The following TRPM3 variants were observed in gnomAD, a reference collection of about 807,000 sequenced individuals.
The protein encoded by TRPM3 is transient receptor potential cation channel subfamily M member 3, also known as long transient receptor potential channel 3.
In TRPM3, 77 loss-of-function variants were observed where a neutral mutation model predicts 181.2. That is an observed-to-expected ratio of 0.42 (90% CI 0.35 to 0.51). The LOEUF (loss-of-function observed/expected upper bound fraction) is 0.51, where lower values mean the gene tolerates loss of function less well. TRPM3 is among the 20% of genes least tolerant of loss of function. The pLI is 0.01. For missense variants in TRPM3, 1,759 were observed against 2,196.7 expected, an observed-to-expected ratio of 0.80 and a Z score of 3.98; for synonymous variants, 745 against 796.4, an observed-to-expected ratio of 0.94 and a Z score of 1.09.
At chr9:70,798,027 C>T (rs961937315) in intron 6 of TRPM3, among the ~76,000 whole-genome samples, 21 of 152,162 alleles carry the variant, frequency 1.4e-4, no homozygotes, top group Non-Finnish European at 2.9e-5. Flanking sequence ...TTGGTCAGAA[C>T]TTGGATGCAG....
intron 1 of TRPM3, among the ~76,000 whole-genome samples, chr9:71,134,076 A>G (rs1256081096): frequency 6.6e-6 from 1 of 152,118 alleles, no homozygotes; most frequent in East Asian, 1.9e-4. Context: ...TACATTTTAA[A>G]GACTGAATAA....
At chr9:71,433,939 T>C (rs972232798) in intron 1 of TRPM3, among the ~76,000 whole-genome samples, 1 of 152,102 alleles carries the variant, frequency 6.6e-6, no homozygotes, top group African/African-American at 2.4e-5. Context: ...GCAGATCACA[T>C]GAGGTCAGGA....
chr9:70,588,698 C>T (rs1025763542), intron 22 of TRPM3, among the ~76,000 whole-genome samples: 1 of 152,142 alleles, frequency 6.6e-6, no homozygotes, highest in Non-Finnish European at 1.5e-5. Flanking sequence ...GGCAAGACGT[C>T]GTAGGGCAGC....
intron 1 of TRPM3, among the ~76,000 whole-genome samples, chr9:71,291,796 C>A (rs11142784): frequency 0.096 from 14,620 of 151,830 alleles, 1,070 homozygotes; most frequent in African/African-American, 0.21. Context: ...AAATTAGAAA[C>A]GACTTGAGTA....
At chr9:70,820,803 A>G (rs536662238) in intron 6 of TRPM3, among the ~76,000 whole-genome samples, 2 of 152,202 alleles carry the variant, frequency 1.3e-5, no homozygotes, top group East Asian at 3.9e-4. Context: ...ATAAAGTCAA[A>G]TACGGTAACT....
chr9:70,693,977 T>G (rs1257534687), intron 8 of TRPM3, among the ~76,000 whole-genome samples: 1 of 152,212 alleles, frequency 6.6e-6, no homozygotes, highest in Non-Finnish European at 1.5e-5. Flanking sequence ...AATGGCAGGG[T>G]GTATAAGCTC....
intron 1 of TRPM3, among the ~76,000 whole-genome samples, chr9:70,934,764 T>A (rs1415865676): frequency 1.3e-5 from 2 of 152,186 alleles, no homozygotes; most frequent in African/African-American, 4.8e-5. Context: ...GTCCATGTGT[T>A]TTCACTGAGA....
chr9:70,610,724 T>A lies in TRPM3; in HGVS notation c.2552A>T (p.Glu851Val). ...LTAMLGRNNGESSRKKDEEEV... is the reference protein window; with the variant it reads ...LTAMLGRNNGVSSRKKDEEEV... ...CTCTTCATCCTTCTTCCTGGAGGAC[T>A]CCCCGTTGTTTCGTCCCAACATTGC... The change falls in exon 19 of 26, where the codon GAG becomes GTG. Residue 851 changes from glutamate to valine, a missense_variant. Coordinates refer to ENST00000677713, the MANE Select transcript of TRPM3 (RefSeq NM_001366145.2). The A allele has an allele frequency of 6.2e-7, 1 of 1,614,128 alleles. No individual in the cohort carries two copies. Among genetic ancestry groups the A allele is most frequent in the Non-Finnish European group, 8.5e-7 (1 of 1,180,000 alleles).
intron 1 of TRPM3, among the ~76,000 whole-genome samples, chr9:71,386,052 G>C (rs1296056320): frequency 6.6e-6 from 1 of 152,144 alleles, no homozygotes; most frequent in Non-Finnish European, 1.5e-5. Context: ...GTAGTAGCTG[G>C]TTGGACGTGG....
intron 1 of TRPM3, among the ~76,000 whole-genome samples, chr9:71,392,478 T>A (rs982977862): frequency 6.6e-6 from 1 of 152,102 alleles, no homozygotes; most frequent in African/African-American, 2.4e-5. Context: ...CCAAATTTTG[T>A]TGGGGTATTT....
At chr9:71,330,172 C>T (rs981789133) in intron 1 of TRPM3, among the ~76,000 whole-genome samples, 3 of 151,836 alleles carry the variant, frequency 2.0e-5, no homozygotes, top group African/African-American at 7.3e-5. Flanking sequence ...TCGGACCACA[C>T]ACAGGAACAT....
chr9:71,317,674 TATATAC>T (rs1281571226), intron 1 of TRPM3, among the ~76,000 whole-genome samples: 2 of 84,562 alleles, frequency 2.4e-5, no homozygotes, highest in African/African-American at 3.1e-5. Context: ...AAAATATATA[TATATAC>T]ACACACACAC....
chr9:71,188,498 C>T (rs1292904778), intron 1 of TRPM3, among the ~76,000 whole-genome samples: 1 of 150,686 alleles, frequency 6.6e-6, no homozygotes, highest in Non-Finnish European at 1.5e-5. Flanking sequence ...TTTGATGCTA[C>T]CACATGGTAT....
At chr9:70,823,522 G>A (rs866413016) in intron 6 of TRPM3, among the ~76,000 whole-genome samples, 4 of 152,324 alleles carry the variant, frequency 2.6e-5, no homozygotes, top group Middle Eastern at 3.4e-3. Flanking sequence ...CCTCCTCATA[G>A]AGGTCATTCC....
intron 1 of TRPM3, among the ~76,000 whole-genome samples, chr9:71,246,555 C>T (rs2082044608): frequency 6.6e-6 from 1 of 152,172 alleles, no homozygotes; most frequent in Non-Finnish European, 1.5e-5. Context: ...AAAAGAAAAG[C>T]AAACAATGGC....
At chr9:71,237,904 A>G (rs1327030875) in intron 1 of TRPM3, among the ~76,000 whole-genome samples, 1 of 152,202 alleles carries the variant, frequency 6.6e-6, no homozygotes, top group African/African-American at 2.4e-5. Flanking sequence ...AAGGGCCTTA[A>G]TCCTGTTAAT....
At chr9:70,749,760 G>A (rs747261825) in intron 8 of TRPM3, among the ~76,000 whole-genome samples, 22 of 152,248 alleles carry the variant, frequency 1.4e-4, no homozygotes, top group Non-Finnish European at 2.6e-4. Context: ...AAAGTTATTC[G>A]TGCTTTATTT....
chr9:71,322,208 G>C (rs556212401), intron 1 of TRPM3, among the ~76,000 whole-genome samples: 5 of 145,326 alleles, frequency 3.4e-5, no homozygotes, highest in African/African-American at 1.4e-4. Context: ...ATGATTTGAG[G>C]TTCCATCATA....
intron 3 of TRPM3, among the ~76,000 whole-genome samples, chr9:70,848,078 T>G (rs1381128970): frequency 6.6e-6 from 1 of 152,152 alleles, no homozygotes; most frequent in East Asian, 1.9e-4. Flanking sequence ...AATGATAAGA[T>G]ACAGGCTATA....
Sources: allele counts gnomAD v4.1 joint callset (sites outside exome capture counted in the v4.1 genomes callset), GRCh38; gene constraint gnomAD v4.1.1; transcripts MANE v1.5; gene names NCBI Gene and HGNC (gene_info 2026-07-23, HGNC 2026-07-21).